Variants in RALGAPA1 observed in about 807,000 individuals in gnomAD.
RALGAPA1 encodes the protein ral GTPase-activating protein subunit alpha-1.
Under a neutral mutation model 269.6 loss-of-function variants are expected in RALGAPA1, and 52 were observed. That is an observed-to-expected ratio of 0.19 (90% confidence interval 0.15 to 0.24). The LOEUF is 0.24. RALGAPA1 is among the 10% of genes least tolerant of loss of function. The pLI is 1.00. For missense variants in RALGAPA1, 1,917 were observed against 3,013.9 expected (o/e 0.64, Z 8.52); for synonymous variants, 817 against 1,008.3 (o/e 0.81, Z 3.60).
chr14:35,742,610 G>C (rs376182428), intron 10 of RALGAPA1, 45 bp from the exon 11 acceptor site: 1 of 1,349,556 alleles, frequency 7.4e-7, no homozygotes, highest in African/African-American at 1.4e-5. Flanking sequence ...TTTTTCCTTT[G>C]CCACAAACCA....
chr14:35,700,091 TA>T (rs2067221406), intron 17 of RALGAPA1, 70 bp downstream of exon 17: 2 of 1,373,032 alleles, frequency 1.5e-6, no homozygotes, highest in Admixed American at 2.8e-5. Flanking sequence ...TTTATTTGAT[TA>T]AGCAAAATTT....
At chr14:35,670,543 T>C (rs1201676253) in intron 26 of RALGAPA1, among the ~76,000 whole-genome samples, 1 of 152,340 alleles carries the variant, frequency 6.6e-6, no homozygotes, top group East Asian at 1.9e-4. Flanking sequence ...CTGCCATTTA[T>C]GGATGAACAT....
intron 16 of RALGAPA1, among the ~76,000 whole-genome samples, chr14:35,721,370 A>C (rs2069395760): frequency 6.6e-6 from 1 of 152,200 alleles, no homozygotes; most frequent in South Asian, 2.1e-4. Context: ...CAATGAAACC[A>C]CATCAGTTAA....
At chr14:35,737,427 G>T (rs1159816482) in intron 12 of RALGAPA1, among the ~76,000 whole-genome samples, 1 of 151,930 alleles carries the variant, frequency 6.6e-6, no homozygotes, top group African/African-American at 2.4e-5. Flanking sequence ...TATAACCTAG[G>T]GAAATTTTCC....
intron 30 of RALGAPA1, among the ~76,000 whole-genome samples, 184 bp from the exon 31 acceptor site, chr14:35,652,057 T>C (rs919839801): frequency 1.2e-4 from 18 of 152,204 alleles, no homozygotes; most frequent in African/African-American, 4.3e-4. Context: ...TAGTTAACTA[T>C]CAATTATTTA....
At position 35,715,586 on chromosome 14, in the gene RALGAPA1, T is replaced by C. The variant is rs567377213; in HGVS notation, c.2266+6102A>G. ...ATTTGTTTCCATGTTTACTGAATAA[T>C]CTTTGTGAACTCATATTTGGTTGAT... On this transcript the variant is annotated intron_variant, in intron 16 of 41. Coordinates refer to ENST00000680220, the MANE Select transcript of RALGAPA1 (RefSeq NM_001346249.2). 3 of 282,704 alleles carry C rather than the reference T, an allele frequency of 1.1e-5. No individual in the cohort carries two copies. The East Asian group carries it at 5.3e-4, about 50-fold the overall frequency. The allele number at this position is 282,704 out of a possible 1,614,324, so 17.5% of individuals were successfully genotyped here. A position where few individuals can be genotyped will look rare whatever the true frequency, so the allele number is the denominator to read the frequency against.
intron 16 of RALGAPA1, chr14:35,715,906 A>G (rs1286107714): frequency 1.4e-5 from 14 of 985,264 alleles, no homozygotes; most frequent in Non-Finnish European, 1.7e-5. Flanking sequence ...TATTTTGGTC[A>G]AGGAAATGAG....
At chr14:35,760,658 C>G (rs12323907) in intron 6 of RALGAPA1, among the ~76,000 whole-genome samples, 171 bp downstream of exon 6, 4,631 of 152,280 alleles carry the variant, frequency 0.03, 234 homozygotes, top group African/African-American at 0.11. Flanking sequence ...ATTATTTCAA[C>G]AGCTTTCTTG....
chr14:35,717,402 G>A (rs972753710), intron 16 of RALGAPA1, among the ~76,000 whole-genome samples: 3 of 152,050 alleles, frequency 2.0e-5, no homozygotes, highest in Non-Finnish European at 4.4e-5. Flanking sequence ...CGCCCGCCTC[G>A]GCCTCCCAAA....
chr14:35,566,191 C>G (rs2056686233), intron 39 of RALGAPA1, among the ~76,000 whole-genome samples: 3 of 151,932 alleles, frequency 2.0e-5, no homozygotes, highest in Admixed American at 6.6e-5. Flanking sequence ...TTTTCCAGTA[C>G]AAGTAATGTA....
At chr14:35,658,616 CAG>C (rs1182762397) in intron 28 of RALGAPA1, among the ~76,000 whole-genome samples, 1 of 151,756 alleles carries the variant, frequency 6.6e-6, no homozygotes, top group Non-Finnish European at 1.5e-5. Context: ...TTTTGTAAAA[CAG>C]AGAAAATGTC....
At chr14:35,680,203 A>G (rs1316292614) in intron 21 of RALGAPA1, among the ~76,000 whole-genome samples, 1 of 151,790 alleles carries the variant, frequency 6.6e-6, no homozygotes, top group East Asian at 1.9e-4. Flanking sequence ...ACTAGATTTT[A>G]TTTTATTATC....
intron 12 of RALGAPA1, among the ~76,000 whole-genome samples, chr14:35,737,312 A>G (rs2071092437): frequency 6.6e-6 from 1 of 152,178 alleles, no homozygotes; most frequent in Non-Finnish European, 1.5e-5. Context: ...CCCAAACACT[A>G]CTAGAGGGAA....
rs568452054 is a variant in RALGAPA1 at position 35,614,172 on chromosome 14, T to C, written c.6930-8463A>G. ...AGCTGGTGTGTAAAACAGTTTGCAGTTCCTCCAATGGTGAAACAGAGAGTT... is the reference window on the plus strand; with the variant it reads ...AGCTGGTGTGTAAAACAGTTTGCAGCTCCTCCAATGGTGAAACAGAGAGTT... On this transcript the variant is annotated intron_variant, in intron 35 of 41. Transcript: ENST00000680220. Among the ~76,000 whole-genome samples, 416 of 152,218 alleles carry C rather than the reference T, an allele frequency of 2.7e-3. 9 individuals carry two copies. Among genetic ancestry groups the C allele is most frequent in the East Asian group, 2.9e-3 (15 of 5,178 alleles).
At position 35,808,813 on chromosome 14, in the gene RALGAPA1, C is replaced by G. The variant is rs1383398414; in HGVS notation, c.23G>C (p.Gly8Ala). ...CTTCTGGGTGGACTTCTTCACGTCC[C>G]CGTGCGGCTTCTTGGAGAACATCCT... MFSKKPHGDVKKSTQKVL... is the reference protein window; with the variant it reads MFSKKPHADVKKSTQKVL... Residue 8 changes from glycine to alanine, a missense_variant, in exon 1 of 42, where the codon GGG becomes GCG. Around this residue, in one of 11 missense-constraint regions of RALGAPA1, gnomAD observed 462 missense variants for 725.6 expected, o/e 0.64. Transcript: ENST00000680220. 5 of 1,611,548 alleles carry G rather than the reference C, an allele frequency of 3.1e-6. No individual in the cohort carries two copies. In the African/African-American group the frequency reaches 6.7e-5, roughly 22 times the overall value.
At chr14:35,774,972 G>T in intron 3 of RALGAPA1, 34 bp downstream of exon 3, 1 of 1,366,412 alleles carries the variant, frequency 7.3e-7, no homozygotes, top group Non-Finnish European at 1.0e-6. Flanking sequence ...AATTATTTTT[G>T]AAAAAGGGAA....
At chr14:35,723,618 A>C (rs2069633420) in intron 14 of RALGAPA1, 1 of 157,202 alleles carries the variant, frequency 6.4e-6, no homozygotes, top group African/African-American at 2.4e-5. Context: ...AAAAGCCAAA[A>C]CCTACATTCC....
At chr14:35,544,275 T>C (rs187434741) in intron 41 of RALGAPA1, among the ~76,000 whole-genome samples, 1 of 152,344 alleles carries the variant, frequency 6.6e-6, no homozygotes, top group East Asian at 1.9e-4. Context: ...TAACAATTTA[T>C]AATTTGTAAA....
intron 39 of RALGAPA1, among the ~76,000 whole-genome samples, chr14:35,554,537 G>A (rs1007459082): frequency 6.6e-6 from 1 of 150,888 alleles, no homozygotes; most frequent in African/African-American, 2.4e-5. Flanking sequence ...TAGTAGAGAC[G>A]GGGTTTCACC....
Sources: allele counts gnomAD v4.1 joint callset (sites outside exome capture counted in the v4.1 genomes callset), GRCh38; gene constraint gnomAD v4.1.1; regional missense constraint gnomAD v4.1.1; transcripts MANE v1.5; gene names NCBI Gene and HGNC (gene_info 2026-07-23, HGNC 2026-07-21).